Variants in NFATC1 observed in about 807,000 individuals in gnomAD.
The protein encoded by NFATC1 is nuclear factor of activated T-cells, cytoplasmic 1.
Under a neutral mutation model 76.0 loss-of-function variants are expected in NFATC1, and 22 were observed. That is an observed-to-expected ratio of 0.29 (90% CI 0.21 to 0.41). The LOEUF (loss-of-function observed/expected upper bound fraction) is 0.41. NFATC1 is among the 10% of genes least tolerant of loss of function. The pLI is 1.00. For missense variants in NFATC1, 1,357 were observed against 1,337.7 expected (o/e 1.01, Z -0.23); for synonymous variants, 704 against 613.1 (o/e 1.15, Z -2.19).
At position 79,524,642 on chromosome 18, in the gene NFATC1, T is replaced by C. The variant is rs931176096; in HGVS notation, c.2783-2886T>C. ...GCTCCTTAGGCCTCGACAGCTCTCTTGAGGTCGGCCCTCCTCCCCTCCCGA... is the reference window on the plus strand; with the variant it reads ...GCTCCTTAGGCCTCGACAGCTCTCTCGAGGTCGGCCCTCCTCCCCTCCCGA... On this transcript the variant is annotated intron_variant, in intron 9 of 9. Transcript: ENST00000427363. The surrounding 1 kb of genome is among the most constrained non-coding windows in gnomAD (Gnocchi z 7.2). Among the ~76,000 whole-genome samples, 1 of 152,100 alleles carries C rather than the reference T, an allele frequency of 6.6e-6. No individual in the cohort carries two copies. Among genetic ancestry groups the C allele is most frequent in the Non-Finnish European group, 1.5e-5 (1 of 67,978 alleles).
In NFATC1 at chr18:79,450,975, G is replaced by A. The variant is rs767100255; in HGVS notation, c.1611G>A (p.Leu537=). The A allele has an allele frequency of 8.1e-6, 13 of 1,613,760 alleles. No homozygotes were observed. In the South Asian group the frequency reaches 1.3e-4, roughly 16 times the overall value. Residue 537 remains leucine (L), a synonymous_variant, in exon 5 of 10, where the codon CTG becomes CTA. Transcript: ENST00000427363. ...MRAVIDCAGI[L]KLRNSDIELR... ...GCAGCATTGACTGTGCCGGAATCCT[G>A]AAACTCAGAAACTCCGACATTGAAC...
chr18:79,462,111 G>A (rs1384878123), intron 7 of NFATC1, among the ~76,000 whole-genome samples: 3 of 152,108 alleles, frequency 2.0e-5, no homozygotes, highest in Admixed American at 6.6e-5. Context: ...GACCGTCCTC[G>A]GATTGGAGAT....
chr18:79,398,806 C>T (rs1053587646), intron 1 of NFATC1, among the ~76,000 whole-genome samples: 4 of 152,254 alleles, frequency 2.6e-5, no homozygotes, highest in South Asian at 4.1e-4. Flanking sequence ...CCGCGGCTCA[C>T]GCCTGTAATC....
intron 3 of NFATC1, among the ~76,000 whole-genome samples, chr18:79,447,893 A>G (rs893463696): frequency 5.9e-5 from 9 of 152,204 alleles, no homozygotes; most frequent in Admixed American, 5.9e-4. Flanking sequence ...ACGGCACCAC[A>G]CTCTGTGTTT....
In NFATC1 at chr18:79,481,903, G is replaced by A. The variant is rs542381941; in HGVS notation, c.2093-4345G>A. On this transcript the variant is annotated intron_variant, in intron 8 of 9. Transcript: ENST00000427363. ...TGGGGTGTCATTCCAGCGTGACCTG[G>A]TCCTGGGGTGTCATTCCAGTGTGAC... is the stretch of plus-strand genomic sequence containing the variant. Among the ~76,000 whole-genome samples, 15 of 140,272 alleles carry A rather than the reference G, an allele frequency of 1.1e-4. No individual in the cohort carries two copies. In the Admixed American group the frequency reaches 1.1e-3, roughly 10 times the overall value. 92.0% of individuals were successfully genotyped at this position (140,272 alleles called of 152,430 possible).
chr18:79,421,163 T>G (rs1003297894), intron 2 of NFATC1: 2 of 152,288 alleles, frequency 1.3e-5, no homozygotes, highest in African/African-American at 4.8e-5. Flanking sequence ...GAACGTGTTC[T>G]GATGTTGGTG....
intron 5 of NFATC1, 52 bp downstream of exon 5, chr18:79,451,178 G>A (rs893182957): frequency 1.4e-5 from 22 of 1,558,482 alleles, no homozygotes; most frequent in Admixed American, 1.4e-4. Context: ...CGTCACATGC[G>A]CTTCACTGTC....
At chr18:79,469,325 T>C (rs923467937) in intron 8 of NFATC1, 2 of 985,424 alleles carry the variant, frequency 2.0e-6, no homozygotes, top group Non-Finnish European at 2.4e-6. Context: ...TTGCTCAGCA[T>C]GCGGCAGTCC....
intron 3 of NFATC1, among the ~76,000 whole-genome samples, chr18:79,439,350 C>T (rs1425846013): frequency 1.3e-5 from 2 of 152,202 alleles, no homozygotes; most frequent in Non-Finnish European, 2.9e-5. Flanking sequence ...CCGGCCCCGC[C>T]CCAGGAGCCA....
Position 79,515,483 on chromosome 18 carries a change from G to A in NFATC1, c.2783-12045G>A, listed in dbSNP as rs540497489. Among the ~76,000 whole-genome samples, 217 of 152,022 alleles carry A rather than the reference G, an allele frequency of 1.4e-3. 1 individual carries two copies. Among genetic ancestry groups the A allele is most frequent in the African/African-American group, 4.9e-3 (205 of 41,470 alleles). Reference sequence around the variant, plus strand: ...GGGTGGTGGTGGTGGATGGGGGCTCGGAGGGGGCTCGGCTCACACCCCTGC... The same window carrying A: ...GGGTGGTGGTGGTGGATGGGGGCTCAGAGGGGGCTCGGCTCACACCCCTGC... On this transcript the variant is annotated intron_variant, in intron 9 of 9. Transcript: ENST00000427363.
chr18:79,499,340 T>G (rs1243685165), intron 9 of NFATC1, among the ~76,000 whole-genome samples: 5 of 108,572 alleles, frequency 4.6e-5, no homozygotes, highest in Admixed American at 9.3e-5. Flanking sequence ...AATATATATG[T>G]GTGTGAGTGT....
chr18:79,442,385 C>T (rs759220416), intron 3 of NFATC1, among the ~76,000 whole-genome samples: 2 of 152,238 alleles, frequency 1.3e-5, no homozygotes, highest in Non-Finnish European at 2.9e-5. Flanking sequence ...GTGCCATTCA[C>T]GGGCGCCATG....
chr18:79,453,765 C>A (rs1328911230), intron 6 of NFATC1, among the ~76,000 whole-genome samples: 3 of 152,248 alleles, frequency 2.0e-5, no homozygotes, highest in Non-Finnish European at 2.9e-5. Flanking sequence ...TGAAGCCAGA[C>A]CACGTTGATA....
intron 2 of NFATC1, among the ~76,000 whole-genome samples, chr18:79,418,118 C>T (rs2085942280): frequency 6.6e-6 from 1 of 152,254 alleles, no homozygotes; most frequent in East Asian, 1.9e-4. Context: ...CTTCTTCCTC[C>T]CCTTCCTGTG....
intron 2 of NFATC1, among the ~76,000 whole-genome samples, chr18:79,415,437 C>T (rs1179843877): frequency 5.3e-5 from 8 of 152,048 alleles, no homozygotes; most frequent in East Asian, 1.9e-4. Context: ...CGCCCACCAC[C>T]GCGCCCGGCT....
chr18:79,477,362 A>G (rs1289355519), intron 8 of NFATC1, among the ~76,000 whole-genome samples: 1 of 152,250 alleles, frequency 6.6e-6, no homozygotes, highest in African/African-American at 2.4e-5. Flanking sequence ...TTGCATAAAA[A>G]TGTGGGCATG....
chr18:79,526,873 G>T (rs747402774), intron 9 of NFATC1, among the ~76,000 whole-genome samples: 3 of 152,226 alleles, frequency 2.0e-5, no homozygotes, highest in Non-Finnish European at 4.4e-5. Flanking sequence ...GGGCAGTTCC[G>T]TGACGTCAGC....
chr18:79,473,978 C>T (rs1438304756), intron 8 of NFATC1, among the ~76,000 whole-genome samples: 1 of 135,198 alleles, frequency 7.4e-6, no homozygotes, highest in Middle Eastern at 4.2e-3. Context: ...CGCTCACTGT[C>T]GACGTTGCGA....
chr18:79,400,067 G>C (rs138901831), intron 1 of NFATC1, among the ~76,000 whole-genome samples: 34,552 of 151,388 alleles, frequency 0.23, 4,125 homozygotes, highest in East Asian at 0.41. Flanking sequence ...CCCGGGTCCG[G>C]AGGAGCCTGC....
Sources: gnomAD v4.1 joint callset for allele counts (sites outside exome capture counted in the v4.1 genomes callset) on GRCh38, gnomAD v4.1.1 for gene constraint, Gnocchi (gnomAD v3.1) non-coding constraint, MANE v1.5 for transcripts, NCBI Gene and HGNC (gene_info 2026-07-23, HGNC 2026-07-21) for gene names.